The following EPHA6 variants were observed in gnomAD, a reference collection of about 807,000 sequenced individuals.
EPHA6 encodes the protein EPH receptor A6.
Under a neutral mutation model 112.0 loss-of-function variants are expected in EPHA6, and 50 were observed. The ratio of observed to expected loss-of-function variants is 0.45; its 90% CI spans 0.36 to 0.56. The LOEUF (loss-of-function observed/expected upper bound fraction) is 0.56. Ranked by LOEUF, EPHA6 falls within the 20% of genes least tolerant of loss-of-function variation. The pLI, the probability that EPHA6 is intolerant of heterozygous loss-of-function variation, is 0.00. For missense variants in EPHA6, 1,280 were observed against 1,417.4 expected (o/e 0.90, Z 1.56); for synonymous variants, 529 against 490.7 (o/e 1.08, Z -1.03).
rs1013718396 is a variant in EPHA6, at chr3:96,893,367, C to T, written c.450+26478C>T. 1.1e-4 allele frequency among the ~76,000 whole-genome samples: 17 copies of T among 152,208 alleles called. No homozygotes were observed. In the East Asian group the frequency reaches 3.1e-3, roughly 28 times the overall value. ...GCCTTGCATCTCATGTTTATTGTGTCTCTTGATTACATCATTTTATCTTGC... is the reference window on the plus strand; with the variant it reads ...GCCTTGCATCTCATGTTTATTGTGTTTCTTGATTACATCATTTTATCTTGC... On this transcript the variant is annotated intron_variant, in intron 2 of 17. Coordinates refer to ENST00000389672, the MANE Select transcript of EPHA6 (RefSeq NM_001080448.3).
In EPHA6 at chr3:97,761,164, C is replaced by T. The variant is rs1269334228; in HGVS notation, c.*12463C>T. 5.0e-6 allele frequency: 1 copy of T among 200,530 alleles called. No homozygotes were observed. The highest frequency in any genetic ancestry group is 7.7e-5 in the East Asian group (1 of 13,018). 12.4% of individuals were successfully genotyped at this position (200,530 alleles called of 1,614,324 possible). A position where few individuals can be genotyped will look rare whatever the true frequency, so the allele number is the denominator to read the frequency against. ...TACTATAGCAGTGAAGTAGTCCAGA[C>T]TTATTTGAAGGTGGTACTATTTTTA... On this transcript the variant is annotated 3_prime_UTR_variant, in exon 18 of 18. Coordinates refer to ENST00000389672, the MANE Select transcript of EPHA6 (RefSeq NM_001080448.3).
intron 3 of EPHA6, among the ~76,000 whole-genome samples, chr3:97,195,871 T>C (rs1222120034): frequency 2.0e-5 from 3 of 152,122 alleles, no homozygotes; most frequent in African/African-American, 4.8e-5. Context: ...TGGAGTTTTC[T>C]TTATGTTATT....
At chr3:97,027,170 TA>T (rs1396800230) in intron 3 of EPHA6, among the ~76,000 whole-genome samples, 8 of 152,090 alleles carry the variant, frequency 5.3e-5, no homozygotes, top group African/African-American at 9.7e-5. Flanking sequence ...CCATTATCCT[TA>T]GCAAACTAAC....
intron 5 of EPHA6, among the ~76,000 whole-genome samples, chr3:97,321,678 G>GT (rs1229936594): frequency 4.6e-5 from 7 of 151,106 alleles, no homozygotes; most frequent in African/African-American, 1.7e-4. Flanking sequence ...CATTTACAGT[G>GT]TGTAAAAAAA....
At chr3:97,614,769 A>G (rs1167583949) in intron 13 of EPHA6, among the ~76,000 whole-genome samples, 1 of 152,156 alleles carries the variant, frequency 6.6e-6, no homozygotes, top group Non-Finnish European at 1.5e-5. Context: ...TTAAGTAAGG[A>G]AATCAGCTCA....
At chr3:97,569,645 A>G (rs2093311339) in intron 11 of EPHA6, among the ~76,000 whole-genome samples, 1 of 152,238 alleles carries the variant, frequency 6.6e-6, no homozygotes. Context: ...TAATTACTAT[A>G]TACATTTTCA....
At chr3:97,593,335 C>T (rs2093561468) in intron 12 of EPHA6, among the ~76,000 whole-genome samples, 1 of 152,072 alleles carries the variant, frequency 6.6e-6, no homozygotes, top group African/African-American at 2.4e-5. Flanking sequence ...TTTACTAAAA[C>T]ACTTTGCAGG....
chr3:97,061,302 A>G (rs1315477746), intron 3 of EPHA6, among the ~76,000 whole-genome samples: 2 of 152,196 alleles, frequency 1.3e-5, no homozygotes, highest in Admixed American at 1.3e-4. Flanking sequence ...GTCAGAATGT[A>G]GTTGAGACAG....
chr3:96,970,417 T>C (rs1024956296), intron 2 of EPHA6, among the ~76,000 whole-genome samples: 2 of 152,078 alleles, frequency 1.3e-5, no homozygotes, highest in Admixed American at 6.6e-5. Context: ...TCATATGTTA[T>C]GTTTCTGTTC....
rs2035950508 is a variant in EPHA6, at chr3:97,753,559, A to G, written c.*4858A>G. Among the ~76,000 whole-genome samples the G allele has an allele frequency of 6.6e-6, 1 of 152,192 alleles. No homozygotes were observed. Among genetic ancestry groups the G allele is most frequent in the South Asian group, 2.1e-4 (1 of 4,828 alleles). ...TCACAGATTTTTATTGTCTGATAGC[A>G]TAGCTATCAGTTCGTATATGGATTC... is the stretch of plus-strand genomic sequence containing the variant. On this transcript the variant is annotated 3_prime_UTR_variant, in exon 18 of 18. Transcript: ENST00000389672.
chr3:97,466,190 C>G (rs2091046353), intron 7 of EPHA6: 1 of 726,334 alleles, frequency 1.4e-6, no homozygotes, highest in Non-Finnish European at 2.5e-6. Flanking sequence ...CCTACACTTC[C>G]AATCCTATCC....
chr3:97,406,818 A>T (rs2087378315), intron 6 of EPHA6, among the ~76,000 whole-genome samples: 1 of 152,164 alleles, frequency 6.6e-6, no homozygotes, highest in Non-Finnish European at 1.5e-5. Context: ...TATCCTGGCC[A>T]ATATGTGCTC....
At chr3:96,874,281 A>T (rs2036816735) in intron 2 of EPHA6, among the ~76,000 whole-genome samples, 1 of 152,148 alleles carries the variant, frequency 6.6e-6, no homozygotes, top group Non-Finnish European at 1.5e-5. Context: ...ATGCTTAATT[A>T]TTCACAAATG....
At chr3:97,487,454 G>A (rs1384373010) in intron 10 of EPHA6, among the ~76,000 whole-genome samples, 1 of 152,152 alleles carries the variant, frequency 6.6e-6, no homozygotes, top group Non-Finnish European at 1.5e-5. Flanking sequence ...ACTTGTAAAA[G>A]ATAATGTGCC....
At position 97,460,805 on chromosome 3, in the gene EPHA6, C is replaced by T. The variant is rs78189234; in HGVS notation, c.1894+12075C>T. Among the ~76,000 whole-genome samples the T allele has an allele frequency of 7.8e-3, 1,182 of 152,232 alleles. 20 individuals are homozygous for T. Among genetic ancestry groups the T allele is most frequent in the African/African-American group, 0.027 (1,134 of 41,532 alleles). On this transcript the variant is annotated intron_variant, in intron 7 of 17. Coordinates refer to ENST00000389672, the MANE Select transcript of EPHA6 (RefSeq NM_001080448.3). ...GGTCCGCTGAGGTCTTTGCAGCTACCACATGTCAAGTCAACAGCTGCATCT... is the reference window on the plus strand; with the variant it reads ...GGTCCGCTGAGGTCTTTGCAGCTACTACATGTCAAGTCAACAGCTGCATCT...
chr3:97,226,292 T>G lies in EPHA6; in HGVS notation c.1143T>G (p.Phe381Leu), dbSNP rs759800896. Reference sequence around the variant, plus strand: ...GCAGACCAGGATTCTATAAAGCTTTTGCTGGGAACACAAAATGTTCTAAAT... The same window carrying G: ...GCAGACCAGGATTCTATAAAGCTTTGGCTGGGAACACAAAATGTTCTAAAT... ...HACRPGFYKA[F>L]AGNTKCSKCP... Residue 381 changes from phenylalanine (F) to leucine (L), a missense_variant, in exon 4 of 18, where the codon TTT becomes TTG. This residue lies in a region of EPHA6 where 878 missense variants were observed against 999.7 expected (regional missense o/e 0.88). Coordinates refer to ENST00000389672, the MANE Select transcript of EPHA6 (RefSeq NM_001080448.3). 1.9e-6 allele frequency: 3 copies of G among 1,611,346 alleles called. No individual in the cohort carries two copies. Among genetic ancestry groups the G allele is most frequent in the African/African-American group, 2.7e-5 (2 of 74,808 alleles).
intron 2 of EPHA6, among the ~76,000 whole-genome samples, chr3:96,902,460 G>A (rs1471088937): frequency 2.6e-5 from 4 of 152,102 alleles, no homozygotes; most frequent in Admixed American, 2.0e-4. Context: ...GCCCTATTAT[G>A]GCATGCTGCT....
At chr3:97,084,023 G>C (rs1339289628) in intron 3 of EPHA6, among the ~76,000 whole-genome samples, 2 of 148,388 alleles carry the variant, frequency 1.3e-5, no homozygotes, top group African/African-American at 4.9e-5. Context: ...CCCTTAAAAT[G>C]CTTCTTCAAA....
chr3:97,179,842 G>A (rs1289727567), intron 3 of EPHA6, among the ~76,000 whole-genome samples: 1 of 150,554 alleles, frequency 6.6e-6, no homozygotes, highest in African/African-American at 2.5e-5. Context: ...GGTCAGACTT[G>A]AAGCCAGCAC....
Sources: gnomAD v4.1 joint callset for allele counts (sites outside exome capture counted in the v4.1 genomes callset) on GRCh38, gnomAD v4.1.1 for gene constraint, gnomAD v4.1.1 regional missense constraint, MANE v1.5 for transcripts, NCBI Gene and HGNC (gene_info 2026-07-23, HGNC 2026-07-21) for gene names.